BNIP3L: variants seen among roughly 807,000 people sequenced by gnomAD.
BNIP3L encodes BCL2/adenovirus E1B 19 kDa protein-interacting protein 3-like.
In BNIP3L, 10 loss-of-function variants were observed where a neutral mutation model predicts 25.5. The observed-to-expected ratio is 0.39, with a 90% confidence interval of 0.24 to 0.67. The LOEUF (loss-of-function observed/expected upper bound fraction) is 0.67. Among genes scored for constraint, BNIP3L ranks in the 30% least tolerant of loss-of-function variants. The probability of loss-of-function intolerance (pLI) is 0.45; values close to 1 mark genes in which losing one functional copy is unlikely to be tolerated. For synonymous variants in BNIP3L, 113 were observed against 101.2 expected, an observed-to-expected ratio of 1.12 and a Z score of -0.70; for missense variants, 215 against 270.9, an observed-to-expected ratio of 0.79 and a Z score of 1.45.
Position 26,410,632 on chromosome 8 carries a change from C to G in BNIP3L, c.*220C>G, listed in dbSNP as rs898415971. ...TTGGCCTGAAGACATTTTAGAATTT[C>G]CTAACAGAGTTTACTGTTGTTTAGA... On this transcript the variant is annotated 3_prime_UTR_variant, in exon 6 of 6. Transcript: ENST00000380629. The G allele has an allele frequency of 3.6e-6, 2 of 557,356 alleles. No individual in the cohort carries two copies. Among genetic ancestry groups the G allele is most frequent in the Non-Finnish European group, 6.4e-6 (2 of 312,850 alleles). The allele number at this position is 557,356 out of a possible 1,614,324, so 34.5% of individuals were successfully genotyped here. A position where few individuals can be genotyped will look rare whatever the true frequency, so the allele number is the denominator to read the frequency against.
chr8:26,410,319 G>T, intron 5 of BNIP3L, 45 bp from the exon 6 acceptor site: 1 of 1,610,510 alleles, frequency 6.2e-7, no homozygotes, highest in South Asian at 1.1e-5. Context: ...AGCTGGTATA[G>T]AACTGTTGAA....
intron 3 of BNIP3L, among the ~76,000 whole-genome samples, chr8:26,404,017 G>A (rs1806447597): frequency 6.6e-6 from 1 of 152,114 alleles, no homozygotes; most frequent in East Asian, 1.9e-4. Context: ...CTAAGTAAAT[G>A]AATTCGATTG....
chr8:26,390,365 G>T (rs1341283528), intron 1 of BNIP3L: 1 of 985,164 alleles, frequency 1.0e-6, no homozygotes, highest in Non-Finnish European at 1.2e-6. Context: ...TTTTTCTGTG[G>T]CTCCACCCCT....
chr8:26,394,562 A>G (rs558457203), intron 2 of BNIP3L, among the ~76,000 whole-genome samples: 82 of 152,346 alleles, frequency 5.4e-4, no homozygotes, highest in Non-Finnish European at 1.0e-3. Context: ...CCTATTTTCT[A>G]TAAACCCTCC....
chr8:26,383,247 GGCTCTGTGAAGGGGATGGGGGA>G lies in BNIP3L; in HGVS notation c.100+19_100+40del. ...GCCTCAACAGTGAGTGCGGGGCCGA[GGCTCTGTGAAGGGGATGGGGGA>G]GGAGGAGCAGCCCCGGCCGCCGCCA... On this transcript the variant is annotated intron_variant, in intron 1 of 5. Transcript: ENST00000380629. The G allele has an allele frequency of 6.3e-7, 1 of 1,599,472 alleles. No homozygotes were observed. The highest frequency in any genetic ancestry group is 8.5e-7 in the Non-Finnish European group (1 of 1,173,688).
intron 5 of BNIP3L, 33 bp from the exon 6 acceptor site, chr8:26,410,331 C>T: frequency 6.2e-7 from 1 of 1,613,554 alleles, no homozygotes; most frequent in Non-Finnish European, 8.5e-7. Context: ...ACTGTTGAAA[C>T]AGGTGAAACA....
At chr8:26,400,861 A>G (rs1310511820) in intron 3 of BNIP3L, among the ~76,000 whole-genome samples, 66 of 137,678 alleles carry the variant, frequency 4.8e-4, no homozygotes, top group Admixed American at 6.7e-4. Context: ...CAAAACCACT[A>G]TGAGATGTCA....
intron 5 of BNIP3L, among the ~76,000 whole-genome samples, chr8:26,409,437 C>T (rs572030303): frequency 1.1e-4 from 16 of 152,134 alleles, no homozygotes; most frequent in African/African-American, 2.7e-4. Flanking sequence ...TTCTTAGTCA[C>T]GACCTCAGAA....
At chr8:26,406,382 A>G (rs1806500296) in intron 3 of BNIP3L, among the ~76,000 whole-genome samples, 1 of 152,230 alleles carries the variant, frequency 6.6e-6, no homozygotes, top group Non-Finnish European at 1.5e-5. Flanking sequence ...CTCTCTATAC[A>G]GTATTCCTGG....
intron 1 of BNIP3L, among the ~76,000 whole-genome samples, chr8:26,384,396 T>A (rs1805939482): frequency 6.6e-6 from 1 of 152,246 alleles, no homozygotes; most frequent in Admixed American, 6.5e-5. Flanking sequence ...TGCTCCAGGT[T>A]TTGATGGGTT....
At chr8:26,401,967 T>C (rs1806394291) in intron 3 of BNIP3L, among the ~76,000 whole-genome samples, 1 of 152,204 alleles carries the variant, frequency 6.6e-6, no homozygotes, top group African/African-American at 2.4e-5. Context: ...ACGGGAACCA[T>C]TATCTTTTTC....
intron 1 of BNIP3L, among the ~76,000 whole-genome samples, chr8:26,384,782 C>T (rs542901985): frequency 1.3e-5 from 2 of 148,658 alleles, no homozygotes; most frequent in Non-Finnish European, 3.0e-5. Flanking sequence ...TCTACAACCT[C>T]CGCCTCCCAG....
Position 26,383,107 on chromosome 8 carries a change from C to T in BNIP3L, c.-24C>T, listed in dbSNP as rs1269991761. 10 of 1,582,412 alleles carry T rather than the reference C, an allele frequency of 6.3e-6. No individual in the cohort carries two copies. The highest frequency in any genetic ancestry group is 1.8e-5 in the Admixed American group (1 of 55,818). ...GTGCCGGAGACGGTCCTGCTGCTGC[C>T]GCAGTCCTGCCAGCTGTCCGACAAT... is the stretch of plus-strand genomic sequence containing the variant. On this transcript the variant is annotated 5_prime_UTR_variant, in exon 1 of 6. Transcript: ENST00000380629.
chr8:26,388,222 A>G (rs1016775554), intron 1 of BNIP3L, among the ~76,000 whole-genome samples: 2 of 152,204 alleles, frequency 1.3e-5, no homozygotes, highest in African/African-American at 2.4e-5. Context: ...CCAGTAAGGA[A>G]TGGTTTTTCT....
At position 26,407,499 on chromosome 8, in the gene BNIP3L, T is replaced by G. The variant is rs554610716; in HGVS notation, c.358-501T>G. Among the ~76,000 whole-genome samples, 31 of 151,022 alleles carry G rather than the reference T, an allele frequency of 2.1e-4. No individual in the cohort carries two copies. The East Asian group carries it at 3.1e-3, about 15-fold the overall frequency. On this transcript the variant is annotated intron_variant, in intron 3 of 5. Transcript: ENST00000380629. ...CCGCACCCAGCGTGTAAGTTTTGTG[T>G]TTTTTTTTAGTAAAGACGGGGTTTT...
At chr8:26,383,336 G>A in intron 1 of BNIP3L, 106 bp downstream of exon 1, 1 of 1,508,144 alleles carries the variant, frequency 6.6e-7, no homozygotes, top group East Asian at 2.5e-5. Flanking sequence ...CAGCTCATTG[G>A]CTCAGGCATG....
Position 26,401,829 on chromosome 8 carries a change from T to C in BNIP3L, c.358-6171T>C, listed in dbSNP as rs185751909. Reference sequence around the variant, plus strand: ...AGTATTAAAATCTTACAAATGTTTGTGTTATAAGACTTAAAATATGGTAAG... The same window carrying C: ...AGTATTAAAATCTTACAAATGTTTGCGTTATAAGACTTAAAATATGGTAAG... On this transcript the variant is annotated intron_variant, in intron 3 of 5. Coordinates refer to ENST00000380629, the MANE Select transcript of BNIP3L (RefSeq NM_004331.3). 5.9e-5 allele frequency among the ~76,000 whole-genome samples: 9 copies of C among 152,346 alleles called. No individual in the cohort carries two copies. In the East Asian group the frequency reaches 1.7e-3, roughly 29 times the overall value.
At chr8:26,395,550 G>A in intron 3 of BNIP3L, 1 of 450,446 alleles carries the variant, frequency 2.2e-6, no homozygotes, top group East Asian at 3.9e-5. Context: ...CAATACTCCA[G>A]GCTAGTTTCT....
At chr8:26,410,243 ACC>A (rs1806591887) in intron 5 of BNIP3L, 119 bp from the exon 6 acceptor site, 5 of 1,077,696 alleles carry the variant, frequency 4.6e-6, no homozygotes, top group Non-Finnish European at 6.8e-6. Flanking sequence ...GGGGAGCGGT[ACC>A]CACAAACCTT....
Sources: allele counts gnomAD v4.1 joint callset (sites outside exome capture counted in the v4.1 genomes callset), GRCh38; gene constraint gnomAD v4.1.1; transcripts MANE v1.5; gene names NCBI Gene and HGNC (gene_info 2026-07-23, HGNC 2026-07-21).